POLR1D: variants seen among roughly 807,000 people sequenced by gnomAD.
The protein encoded by POLR1D is RNA polymerase I and III subunit D, also known as DNA-directed RNA polymerases I and III subunit RPAC2.
A neutral mutation model predicts 10.8 loss-of-function variants in POLR1D; 8 were observed. The observed-to-expected ratio is 0.74, with a 90% CI of 0.43 to 1.33. POLR1D has a LOEUF of 1.33. POLR1D is among the 40% of genes most tolerant of loss of function. POLR1D has a pLI of 0.01. For missense variants in POLR1D, 152 were observed against 161.7 expected (o/e 0.94, Z 0.32); for synonymous variants, 54 against 57.2 (o/e 0.94, Z 0.25).
chr13:27,632,839 C>T (rs1956087387), intron 1 of POLR1D, among the ~76,000 whole-genome samples: 1 of 152,108 alleles, frequency 6.6e-6, no homozygotes, highest in Non-Finnish European at 1.5e-5. Flanking sequence ...TCCACAACCC[C>T]TGGAACAATG....
chr13:27,626,431 C>T (rs1956010918), downstream of POLR1D, among the ~76,000 whole-genome samples: 1 of 152,142 alleles, frequency 6.6e-6, no homozygotes, highest in Non-Finnish European at 1.5e-5. Flanking sequence ...CGGGTTCATA[C>T]AAAACACCTG....
At chr13:27,634,374 G>T (rs1956102091) in intron 1 of POLR1D, among the ~76,000 whole-genome samples, 2 of 152,104 alleles carry the variant, frequency 1.3e-5, no homozygotes, top group African/African-American at 4.8e-5. Flanking sequence ...GTTCTAATAA[G>T]TTGGTCCCCA....
At chr13:27,643,975 G>A (rs1956197347) in intron 1 of POLR1D, among the ~76,000 whole-genome samples, 1 of 152,134 alleles carries the variant, frequency 6.6e-6, no homozygotes, top group Admixed American at 6.5e-5. Context: ...TGTCCATCAT[G>A]TGACAGATAC....
chr13:27,666,380 T>G (rs1345509214), exon 3 of POLR1D: 1 of 160,144 alleles, frequency 6.2e-6, no homozygotes, highest in East Asian at 1.8e-4. Flanking sequence ...ATCAGTCCAG[T>G]GACCATATTT....
At chr13:27,632,883 TC>T (rs922669135) in intron 1 of POLR1D, among the ~76,000 whole-genome samples, 2 of 152,182 alleles carry the variant, frequency 1.3e-5, no homozygotes, top group Admixed American at 6.5e-5. Context: ...AAAATGTTTA[TC>T]AAATGAATGA....
chr13:27,656,342 G>GTGTGTC (rs768444880), intron 2 of POLR1D, among the ~76,000 whole-genome samples: 1 of 152,172 alleles, frequency 6.6e-6, no homozygotes, highest in Non-Finnish European at 1.5e-5. Context: ...CCATATCTGT[G>GTGTGTC]TGTGTCTGTG....
At chr13:27,635,306 A>G (rs1225480064) in intron 1 of POLR1D, among the ~76,000 whole-genome samples, 1 of 152,186 alleles carries the variant, frequency 6.6e-6, no homozygotes, top group Non-Finnish European at 1.5e-5. Context: ...GTGCTAAAGC[A>G]GTACTTGATC....
chr13:27,647,361 A>G (rs1956229841), intron 1 of POLR1D, among the ~76,000 whole-genome samples: 1 of 152,030 alleles, frequency 6.6e-6, no homozygotes, highest in Admixed American at 6.6e-5. Flanking sequence ...CTGTTTTGAT[A>G]ACATCCCTCC....
intron 2 of POLR1D, among the ~76,000 whole-genome samples, chr13:27,652,907 A>ACTTCTTTTTTTTTTTTTTTTTTTTTT (rs1365436145): frequency 8.9e-5 from 7 of 78,522 alleles, no homozygotes; most frequent in African/African-American, 3.6e-4. Flanking sequence ...TGCATTTACC[A>ACTTCTTTTTTTTTTTTTTTTTTTTTT]TTTCTTTTTT....
chr13:27,634,633 A>G (rs1956104944), intron 1 of POLR1D, among the ~76,000 whole-genome samples: 3 of 150,952 alleles, frequency 2.0e-5, no homozygotes, highest in African/African-American at 7.3e-5. Context: ...ATGACTAGTA[A>G]TTAGATAGGA....
chr13:27,660,990 T>C (rs1194397170), intron 2 of POLR1D: 1 of 152,240 alleles, frequency 6.6e-6, no homozygotes, highest in Non-Finnish European at 1.5e-5. Flanking sequence ...TCAGGAAATA[T>C]TTTAGAAGCA....
chr13:27,621,702 C>T (rs1344080575), upstream of POLR1D: 1 of 259,048 alleles, frequency 3.9e-6, no homozygotes, highest in African/African-American at 2.3e-5. Context: ...GGCCCCGCCC[C>T]CTGCCCCTCC....
intron 1 of POLR1D, among the ~76,000 whole-genome samples, chr13:27,646,043 C>T (rs1415377721): frequency 6.6e-6 from 1 of 152,204 alleles, no homozygotes; most frequent in African/African-American, 2.4e-5. Flanking sequence ...TTTCTATAGT[C>T]TGGTCCAGAA....
downstream of POLR1D, among the ~76,000 whole-genome samples, chr13:27,625,659 T>TA (rs60864865): frequency 1.5e-3 from 215 of 141,954 alleles, no homozygotes; most frequent in African/African-American, 3.4e-3. Flanking sequence ...ATAAATTGAT[T>TA]AAAAAAAAAA....
exon 3 of POLR1D, chr13:27,665,898 C>G (rs751512677): frequency 1.2e-6 from 2 of 1,614,184 alleles, no homozygotes; most frequent in South Asian, 2.2e-5. Flanking sequence ...AGTTACTCCC[C>G]GCCACGAAAG....
rs575511489 is a variant in POLR1D at position 27,622,119 on chromosome 13, A to G, written c.26+110A>G. 29 of 872,642 alleles carry G rather than the reference A, an allele frequency of 3.3e-5. No individual in the cohort carries two copies. The African/African-American group carries it at 4.3e-4, about 13-fold the overall frequency. The allele number at this position is 872,642 out of a possible 1,614,324, so 54.1% of individuals were successfully genotyped here. A position where few individuals can be genotyped will look rare whatever the true frequency, so the allele number is the denominator to read the frequency against. ...CGGGGCCTGACTCGGGGCGCAGAGA[A>G]GAAGCATGGAGAGAGAAGTGGGGAG... On this transcript the variant is annotated intron_variant, in intron 1 of 1. Transcript: ENST00000302979.
chr13:27,625,033 G>T (rs997535020), downstream of POLR1D, among the ~76,000 whole-genome samples: 5 of 151,742 alleles, frequency 3.3e-5, no homozygotes, highest in African/African-American at 1.2e-4. Flanking sequence ...AGAGCTGGCT[G>T]TGCAAAGAGG....
At chr13:27,624,725 A>C (rs1955990856), downstream of POLR1D, among the ~76,000 whole-genome samples, 1 of 152,030 alleles carries the variant, frequency 6.6e-6, no homozygotes, top group Non-Finnish European at 1.5e-5. Context: ...TGTCTCTACA[A>C]AAAAATAAAA....
intron 2 of POLR1D, chr13:27,665,506 C>CTT: frequency 3.2e-6 from 2 of 616,224 alleles, no homozygotes; most frequent in Non-Finnish European, 2.9e-6. Context: ...TTCCAATCGT[C>CTT]TTTTTTTTTC....
Sources: allele counts gnomAD v4.1 joint callset (sites outside exome capture counted in the v4.1 genomes callset), GRCh38; gene constraint gnomAD v4.1.1; transcripts MANE v1.5; gene names NCBI Gene and HGNC (gene_info 2026-07-23, HGNC 2026-07-21).